BRD10: variants seen among roughly 807,000 people sequenced by gnomAD.
The protein encoded by BRD10 is bromodomain containing 10.
At chr9:5,921,104 A>G in the BRD10 span, 1 of 1,613,912 alleles carries the variant, frequency 6.2e-7, no homozygotes, top group Non-Finnish European at 8.5e-7. Context: ...CTGACTCACA[A>G]AATTTGAGCT....
chr9:5,935,530 C>A, the BRD10 span, among the ~76,000 whole-genome samples: 1 of 152,250 alleles, frequency 6.6e-6, no homozygotes, highest in Non-Finnish European at 1.5e-5. Flanking sequence ...TAGAAATTAA[C>A]CACTGGTTGA....
At chr9:5,910,873 G>A in the BRD10 span, among the ~76,000 whole-genome samples, 2 of 152,184 alleles carry the variant, frequency 1.3e-5, no homozygotes, top group Non-Finnish European at 2.9e-5. Context: ...GTTAAGGATG[G>A]AAGGTCACAT....
At chr9:5,932,128 C>T in the BRD10 span, among the ~76,000 whole-genome samples, 1 of 151,940 alleles carries the variant, frequency 6.6e-6, no homozygotes, top group Non-Finnish European at 1.5e-5. Flanking sequence ...GATAATCTGC[C>T]TTATCTTGGG....
chr9:5,915,241 G>T, the BRD10 span, among the ~76,000 whole-genome samples: 1 of 151,704 alleles, frequency 6.6e-6, no homozygotes, highest in Non-Finnish European at 1.5e-5. Context: ...CCAAATATCA[G>T]GTCTTCACAC....
the BRD10 span, among the ~76,000 whole-genome samples, chr9:5,903,438 C>A: frequency 1.3e-5 from 2 of 152,016 alleles, no homozygotes; most frequent in African/African-American, 4.8e-5. Flanking sequence ...TTTTTTGCAT[C>A]TATATTTATG....
chr9:6,007,101 C>G, the BRD10 span: 5 of 1,305,352 alleles, frequency 3.8e-6, no homozygotes, highest in South Asian at 6.7e-5. Flanking sequence ...CTATCAGCGC[C>G]GCCCCCAGGC....
At chr9:6,007,142 G>A in the BRD10 span, 2 of 1,548,512 alleles carry the variant, frequency 1.3e-6, no homozygotes, top group Non-Finnish European at 1.8e-6. Flanking sequence ...GGGCACGTGT[G>A]AGTGTGTGTT....
the BRD10 span, among the ~76,000 whole-genome samples, chr9:5,901,146 A>C: frequency 6.6e-6 from 1 of 152,184 alleles, no homozygotes; most frequent in African/African-American, 2.4e-5. Flanking sequence ...AAAAAAGAAA[A>C]AGAAAAAAAT....
chr9:6,004,506 T>C, the BRD10 span, among the ~76,000 whole-genome samples: 3 of 152,222 alleles, frequency 2.0e-5, no homozygotes, highest in African/African-American at 7.2e-5. Flanking sequence ...CTTTACCTAA[T>C]ATACCTCATT....
chr9:5,947,288 C>G, the BRD10 span, among the ~76,000 whole-genome samples: 1 of 152,052 alleles, frequency 6.6e-6, no homozygotes, highest in South Asian at 2.1e-4. Context: ...ACCTTGGATT[C>G]TGCATTTCTA....
At chr9:5,947,082 G>C in the BRD10 span, among the ~76,000 whole-genome samples, 2 of 152,044 alleles carry the variant, frequency 1.3e-5, no homozygotes, top group African/African-American at 4.8e-5. Flanking sequence ...TCCATTTAAA[G>C]CAAGAGATAA....
the BRD10 span, chr9:5,923,252 T>G: frequency 1.2e-6 from 2 of 1,612,984 alleles, no homozygotes; most frequent in Non-Finnish European, 1.7e-6. Context: ...AGGCAATTCC[T>G]TTTTCAACAG....
chr9:5,935,656 T>C, the BRD10 span, among the ~76,000 whole-genome samples: 1 of 152,172 alleles, frequency 6.6e-6, no homozygotes, highest in African/African-American at 2.4e-5. Flanking sequence ...CACAGCACAA[T>C]CTAAACCACA....
chr9:5,988,451 G>A, the BRD10 span: 37 of 1,613,602 alleles, frequency 2.3e-5, 1 homozygote, highest in East Asian at 6.0e-4. Context: ...GGTGTTGACC[G>A]ACGCCTTGTT....
At chr9:6,008,283 G>A in the BRD10 span, 6 of 984,642 alleles carry the variant, frequency 6.1e-6, no homozygotes, top group South Asian at 2.8e-4. Flanking sequence ...CCCTCTACCT[G>A]CGGGGGACAC....
At chr9:5,905,957 T>C in the BRD10 span, among the ~76,000 whole-genome samples, 32 of 152,292 alleles carry the variant, frequency 2.1e-4, no homozygotes, top group Middle Eastern at 3.4e-3. Flanking sequence ...CCTTGTATCA[T>C]TGCTGTTATT....
At chr9:6,007,748 C>T in the BRD10 span, 3 of 1,590,732 alleles carry the variant, frequency 1.9e-6, no homozygotes, top group Non-Finnish European at 2.6e-6. Context: ...TCTTCCTCCC[C>T]AGCCGGCTCC....
chr9:5,929,283 TG>T, the BRD10 span: 3 of 528,796 alleles, frequency 5.7e-6, no homozygotes, highest in Non-Finnish European at 1.0e-5. Context: ...TTCAGAAGCT[TG>T]CAGAAAGGGG....
the BRD10 span, among the ~76,000 whole-genome samples, chr9:5,950,867 C>T: frequency 7.2e-5 from 11 of 151,932 alleles, no homozygotes; most frequent in African/African-American, 2.4e-4. Flanking sequence ...ACTTATAATA[C>T]CTAATACAAT....
Sources: allele counts gnomAD v4.1 joint callset (sites outside exome capture counted in the v4.1 genomes callset), GRCh38; gene constraint gnomAD v4.1.1; transcripts MANE v1.5; gene names NCBI Gene and HGNC (gene_info 2026-07-23, HGNC 2026-07-21).